The following STPG2 variants were observed in gnomAD, a reference collection of about 807,000 sequenced individuals.
STPG2 encodes sperm tail PG-rich repeat containing 2.
Under a neutral mutation model 54.2 loss-of-function variants are expected in STPG2, and 56 were observed. The observed-to-expected ratio is 1.03, with a 90% CI of 0.83 to 1.29. The LOEUF (loss-of-function observed/expected upper bound fraction) is 1.29, where lower values mean the gene tolerates loss of function less well. Ranked by LOEUF, STPG2 falls within the 50% of genes most tolerant of loss-of-function variation. The pLI is 0.00. For missense variants in STPG2, 596 were observed against 544.9 expected, an observed-to-expected ratio of 1.09 and a Z score of -0.93; for synonymous variants, 200 against 181.8, an observed-to-expected ratio of 1.10 and a Z score of -0.81.
chr4:97,795,626 T>G (rs539395780), intron 9 of STPG2, among the ~76,000 whole-genome samples: 4 of 152,346 alleles, frequency 2.6e-5, no homozygotes, highest in African/African-American at 9.6e-5. Flanking sequence ...GGGTTCCAAG[T>G]CTTTGCTATT....
chr4:97,453,234 C>G (rs1729423694), intron 4 of STPG2, among the ~76,000 whole-genome samples: 1 of 152,218 alleles, frequency 6.6e-6, no homozygotes, highest in East Asian at 1.9e-4. Context: ...TTGTGGTGCA[C>G]CTGGTCCAGC....
chr4:97,638,705 A>G (rs1412042890), intron 10 of STPG2, among the ~76,000 whole-genome samples: 201 of 147,088 alleles, frequency 1.4e-3, no homozygotes, highest in African/African-American at 5.0e-3. Context: ...GACACTTCTC[A>G]AAAGAAGACA....
At chr4:97,628,220 G>A (rs1734183867) in intron 10 of STPG2, among the ~76,000 whole-genome samples, 1 of 152,086 alleles carries the variant, frequency 6.6e-6, no homozygotes, top group Admixed American at 6.6e-5. Flanking sequence ...AGGAGGTATT[G>A]CTCCTGATAT....
At chr4:98,095,449 G>C (rs926105641) in intron 5 of STPG2, among the ~76,000 whole-genome samples, 3 of 152,266 alleles carry the variant, frequency 2.0e-5, no homozygotes, top group Non-Finnish European at 2.9e-5. Flanking sequence ...AAGATGCACA[G>C]AGACTGAAAG....
chr4:97,991,700 T>C (rs1218322524), intron 5 of STPG2, among the ~76,000 whole-genome samples: 1 of 152,128 alleles, frequency 6.6e-6, no homozygotes, highest in Non-Finnish European at 1.5e-5. Flanking sequence ...ATAGTGGTTT[T>C]AATAGTTTAT....
chr4:97,818,444 A>C (rs1209289326), intron 9 of STPG2, among the ~76,000 whole-genome samples: 1 of 151,666 alleles, frequency 6.6e-6, no homozygotes, highest in Non-Finnish European at 1.5e-5. Flanking sequence ...AGTTGTGTGA[A>C]TATGGTCTCT....
intron 8 of STPG2, among the ~76,000 whole-genome samples, chr4:97,864,118 A>C (rs1175780707): frequency 2.6e-5 from 4 of 152,162 alleles, no homozygotes; most frequent in South Asian, 2.1e-4. Flanking sequence ...CAGGAGAAAG[A>C]AATAAAGGGT....
chr4:97,963,108 G>C (rs756059854), intron 7 of STPG2, among the ~76,000 whole-genome samples: 9 of 152,066 alleles, frequency 5.9e-5, no homozygotes, highest in African/African-American at 1.7e-4. Context: ...GCAGTGAGCA[G>C]ACATCGCACC....
chr4:97,942,836 T>G (rs1191817841), intron 8 of STPG2, among the ~76,000 whole-genome samples: 1 of 152,214 alleles, frequency 6.6e-6, no homozygotes, highest in Non-Finnish European at 1.5e-5. Context: ...AAACCTTGTT[T>G]AATAATCCTG....
At chr4:97,991,449 GTGTGTGTGTGTATA>G in intron 5 of STPG2, among the ~76,000 whole-genome samples, 2 of 142,822 alleles carry the variant, frequency 1.4e-5, no homozygotes, top group Middle Eastern at 3.6e-3. Context: ...GTGTGTGTGT[GTGTGTGTGTGTATA>G]TATATATATG....
chr4:97,969,651 G>A (rs1213447711), intron 7 of STPG2, among the ~76,000 whole-genome samples: 2 of 152,142 alleles, frequency 1.3e-5, no homozygotes, highest in African/African-American at 4.8e-5. Flanking sequence ...AGGTATTGAT[G>A]GCACGTATCT....
chr4:97,772,536 A>T (rs1469306950), intron 9 of STPG2, among the ~76,000 whole-genome samples: 1 of 152,180 alleles, frequency 6.6e-6, no homozygotes, highest in Non-Finnish European at 1.5e-5. Context: ...ACAATAAATC[A>T]AAAAACAGTA....
intron 8 of STPG2, among the ~76,000 whole-genome samples, chr4:97,847,045 C>A (rs532988892): frequency 1.1e-4 from 17 of 152,218 alleles, no homozygotes; most frequent in African/African-American, 3.6e-4. Flanking sequence ...AAGAAGACTT[C>A]AAACTTTCAA....
intron 10 of STPG2, among the ~76,000 whole-genome samples, chr4:97,632,720 A>T (rs1206937694): frequency 2.6e-5 from 4 of 152,186 alleles, no homozygotes; most frequent in Non-Finnish European, 5.9e-5. Flanking sequence ...AGTGAGATAC[A>T]GAATGTATTT....
intron 5 of STPG2, among the ~76,000 whole-genome samples, chr4:98,095,175 T>C (rs919439937): frequency 2.6e-5 from 4 of 151,992 alleles, no homozygotes; most frequent in Admixed American, 2.0e-4. Flanking sequence ...TCAAAAAACA[T>C]ACAACATATA....
intron 9 of STPG2, among the ~76,000 whole-genome samples, chr4:97,832,952 T>C (rs1431529973): frequency 6.6e-6 from 1 of 152,158 alleles, no homozygotes; most frequent in Non-Finnish European, 1.5e-5. Context: ...AATTTATAGA[T>C]TCCATGCTAT....
At chr4:97,807,008 T>C (rs1398642976) in intron 9 of STPG2, among the ~76,000 whole-genome samples, 3 of 152,064 alleles carry the variant, frequency 2.0e-5, no homozygotes, top group Non-Finnish European at 4.4e-5. Flanking sequence ...ATTTTTATCA[T>C]CAAATAATAT....
intron 5 of STPG2, among the ~76,000 whole-genome samples, chr4:98,026,629 A>G (rs991139423): frequency 1.3e-5 from 2 of 152,138 alleles, no homozygotes; most frequent in Non-Finnish European, 2.9e-5. Flanking sequence ...CCAATCTGCC[A>G]TTACTTCAGT....
At chr4:97,896,753 T>G (rs1353954421) in intron 8 of STPG2, among the ~76,000 whole-genome samples, 3 of 151,794 alleles carry the variant, frequency 2.0e-5, no homozygotes, top group Non-Finnish European at 3.0e-5. Flanking sequence ...GTTTATAGCA[T>G]AAAATGTTTA....
Sources: gnomAD v4.1 joint callset for allele counts (sites outside exome capture counted in the v4.1 genomes callset) on GRCh38, gnomAD v4.1.1 for gene constraint, MANE v1.5 for transcripts, NCBI Gene and HGNC (gene_info 2026-07-23, HGNC 2026-07-21) for gene names.